PATJ: variants seen among roughly 807,000 people sequenced by gnomAD.
PATJ encodes the protein PATJ crumbs cell polarity complex component.
A neutral mutation model predicts 224.9 loss-of-function variants in PATJ; 190 were observed. The observed-to-expected ratio is 0.84, with a 90% CI of 0.75 to 0.95. The LOEUF (loss-of-function observed/expected upper bound fraction) is 0.95. Ranked by LOEUF, PATJ falls within the 40% of genes least tolerant of loss-of-function variation. PATJ has a pLI of 0.00. For missense variants in PATJ, 2,121 were observed against 2,270.3 expected (o/e 0.93, Z 1.34); for synonymous variants, 769 against 820.3 (o/e 0.94, Z 1.07).
chr1:62,161,385 C>G lies in PATJ; in HGVS notation c.*331C>G, dbSNP rs1669832738. ...ACGGAGTCTCACTCTGTCACCCAGG[C>G]TGGAGTGCAATGGCGCAATCTTGGC... On this transcript the variant is annotated 3_prime_UTR_variant, in exon 44 of 44. Transcript: ENST00000642238. The G allele has an allele frequency of 6.1e-6, 1 of 164,280 alleles. No individual in the cohort carries two copies. Among genetic ancestry groups the G allele is most frequent in the South Asian group, 2.3e-4 (1 of 4,344 alleles). 10.2% of individuals were successfully genotyped at this position (164,280 alleles called of 1,614,324 possible).
At chr1:61,840,492 A>G (rs1660906379) in intron 17 of PATJ, among the ~76,000 whole-genome samples, 1 of 152,026 alleles carries the variant, frequency 6.6e-6, no homozygotes, top group African/African-American at 2.4e-5. Flanking sequence ...AATAGTACTT[A>G]TTTAATTTTA....
At chr1:61,910,536 CTT>C (rs71050181) in intron 25 of PATJ, among the ~76,000 whole-genome samples, 74 of 42,258 alleles carry the variant, frequency 1.8e-3, no homozygotes, top group African/African-American at 4.7e-3. Context: ...CAAAGTGACT[CTT>C]TTTTTTTTTT....
At chr1:61,999,712 C>G (rs1054891576) in intron 28 of PATJ, among the ~76,000 whole-genome samples, 2 of 151,984 alleles carry the variant, frequency 1.3e-5, no homozygotes, top group African/African-American at 4.8e-5. Context: ...AGAGACCGTT[C>G]CACTCCTTCC....
intron 33 of PATJ, among the ~76,000 whole-genome samples, chr1:62,106,156 G>GTATATATATATATATA (rs1372747156): frequency 0.011 from 608 of 54,768 alleles, 50 homozygotes; most frequent in Non-Finnish European, 0.019. Context: ...GTGTGTGTGT[G>GTATATATATATATATA]TGTATATATA....
intron 27 of PATJ, among the ~76,000 whole-genome samples, chr1:61,934,718 C>G (rs1369490543): frequency 2.0e-5 from 3 of 152,106 alleles, no homozygotes; most frequent in Non-Finnish European, 4.4e-5. Flanking sequence ...CCACTTAACA[C>G]TCTAAGTTCC....
chr1:61,840,609 T>C (rs879272059), intron 17 of PATJ, among the ~76,000 whole-genome samples: 12 of 152,110 alleles, frequency 7.9e-5, no homozygotes, highest in African/African-American at 2.2e-4. Flanking sequence ...TAGAGCTACC[T>C]CTTTTTAATG....
chr1:62,041,758 T>C (rs1287058837), intron 30 of PATJ, among the ~76,000 whole-genome samples: 1 of 151,882 alleles, frequency 6.6e-6, no homozygotes, highest in Non-Finnish European at 1.5e-5. Flanking sequence ...AGGCCGGGCG[T>C]GGTGGCTCAC....
intron 28 of PATJ, among the ~76,000 whole-genome samples, chr1:62,014,078 ATTC>A (rs1332664939): frequency 1.9e-4 from 29 of 151,496 alleles, no homozygotes; most frequent in Admixed American, 1.8e-3. Context: ...CCAGCCCCCC[ATTC>A]TTCTCACTCT....
At chr1:62,063,310 G>A (rs1558115792) in intron 31 of PATJ, among the ~76,000 whole-genome samples, 1 of 152,134 alleles carries the variant, frequency 6.6e-6, no homozygotes, top group Non-Finnish European at 1.5e-5. Flanking sequence ...AGATCAGTTG[G>A]TTGTAGGTGT....
At chr1:61,911,698 TATA>T (rs1557864379) in intron 25 of PATJ, among the ~76,000 whole-genome samples, 16 of 112,080 alleles carry the variant, frequency 1.4e-4, no homozygotes, top group African/African-American at 1.0e-3. Flanking sequence ...TATATTTTTA[TATA>T]TATATATATA....
chr1:61,991,489 C>T, intron 28 of PATJ: 1 of 985,278 alleles, frequency 1.0e-6, no homozygotes, highest in South Asian at 4.7e-5. Context: ...CAGACTCTGA[C>T]TCAGAATAGA....
intron 14 of PATJ, among the ~76,000 whole-genome samples, chr1:61,814,547 T>TGTGTGTGTGTGCGCGCGCGC (rs370488022): frequency 1.3e-4 from 19 of 142,566 alleles, no homozygotes; most frequent in African/African-American, 5.1e-4. Context: ...TGTGTGTGTG[T>TGTGTGTGTGTGCGCGCGCGC]GCGCGCGCGC....
At chr1:62,156,488 C>T (rs1034809033) in intron 43 of PATJ, among the ~76,000 whole-genome samples, 4 of 151,990 alleles carry the variant, frequency 2.6e-5, no homozygotes, top group South Asian at 2.1e-4. Context: ...TGAGATCACA[C>T]CACTGTACTC....
intron 27 of PATJ, among the ~76,000 whole-genome samples, chr1:61,939,347 T>TCACACA (rs1677415514): frequency 3.6e-5 from 2 of 55,724 alleles, no homozygotes; most frequent in African/African-American, 1.6e-4. Context: ...ACACACACAG[T>TCACACA]CAGAAGAAAG....
chr1:61,880,668 C>A (rs1317681899), intron 21 of PATJ, among the ~76,000 whole-genome samples: 1 of 152,222 alleles, frequency 6.6e-6, no homozygotes, highest in Non-Finnish European at 1.5e-5. Context: ...GTTATTATTA[C>A]TCAACCCAGT....
intron 27 of PATJ, among the ~76,000 whole-genome samples, chr1:61,946,538 A>G (rs180934507): frequency 1.4e-4 from 21 of 152,326 alleles, no homozygotes; most frequent in Non-Finnish European, 2.5e-4. Flanking sequence ...CTCTCTGAAT[A>G]GACTAATAAC....
At chr1:61,802,273 T>C (rs922501622) in intron 12 of PATJ, among the ~76,000 whole-genome samples, 9 of 152,174 alleles carry the variant, frequency 5.9e-5, no homozygotes, top group African/African-American at 2.2e-4. Flanking sequence ...TTTGTATTTT[T>C]AGTAGAGATG....
intron 31 of PATJ, chr1:62,078,892 A>G (rs188582913): frequency 3.3e-5 from 5 of 153,022 alleles, no homozygotes; most frequent in African/African-American, 1.2e-4. Flanking sequence ...ATTAAATGTC[A>G]CTGATGTAGC....
At chr1:62,077,246 A>G (rs1248216537) in intron 31 of PATJ, among the ~76,000 whole-genome samples, 1 of 152,236 alleles carries the variant, frequency 6.6e-6, no homozygotes, top group Non-Finnish European at 1.5e-5. Context: ...TGAGGCTAGT[A>G]AATGTGGTCC....
Sources: allele counts gnomAD v4.1 joint callset (sites outside exome capture counted in the v4.1 genomes callset), GRCh38; gene constraint gnomAD v4.1.1; transcripts MANE v1.5; gene names NCBI Gene and HGNC (gene_info 2026-07-23, HGNC 2026-07-21).